CADPS: variants seen among roughly 807,000 people sequenced by gnomAD.
CADPS encodes the protein calcium-dependent secretion activator 1.
In CADPS, 57 loss-of-function variants were observed where a neutral mutation model predicts 167.3. The ratio of observed to expected loss-of-function variants is 0.34; its 90% CI spans 0.28 to 0.42. CADPS has a LOEUF of 0.42. CADPS is among the 20% of genes least tolerant of loss of function. The pLI is 1.00. For missense variants in CADPS, 1,414 were observed against 1,738.1 expected (o/e 0.81, Z 3.32); for synonymous variants, 676 against 635.3 (o/e 1.06, Z -0.96).
At chr3:62,812,141 C>G (rs1342283283) in intron 1 of CADPS, among the ~76,000 whole-genome samples, 1 of 151,964 alleles carries the variant, frequency 6.6e-6, no homozygotes, top group African/African-American at 2.4e-5. Flanking sequence ...TAAAAATATT[C>G]AAAAACAACT....
intron 1 of CADPS, among the ~76,000 whole-genome samples, chr3:62,769,289 T>A (rs915217131): frequency 6.6e-6 from 1 of 151,420 alleles, no homozygotes; most frequent in Non-Finnish European, 1.5e-5. Flanking sequence ...TGGAGTGCAG[T>A]GGTGTGATCT....
At chr3:62,654,162 G>T (rs60945358) in intron 4 of CADPS, among the ~76,000 whole-genome samples, 6 of 152,252 alleles carry the variant, frequency 3.9e-5, no homozygotes, top group African/African-American at 1.4e-4. Context: ...GTCAAGATGC[G>T]AGGACTTGGC....
At chr3:62,640,099 G>A (rs1452124491) in intron 6 of CADPS, among the ~76,000 whole-genome samples, 1 of 152,158 alleles carries the variant, frequency 6.6e-6, no homozygotes, top group East Asian at 1.9e-4. Flanking sequence ...CCCCAGCACT[G>A]GTTGGACATA....
Position 62,874,971 on chromosome 3 carries a change from C to T in CADPS, c.59G>A (p.Gly20Asp). Reference protein sequence around the residue: ...ESDEIVEEESGKEVLGSAPSG... With the variant: ...ESDEIVEEESDKEVLGSAPSG... ...CGGGGCCGAGCCGAGCACCTCCTTG[C>T]CGCTCTCCTCCTCCACGATCTCATC... The change falls in exon 1 of 30, where the codon GGC (glycine) becomes GAC (aspartate). Residue 20 changes from glycine to aspartate, a missense_variant. Around this residue, in one of 6 missense-constraint regions of CADPS, gnomAD observed 522 missense variants for 559.5 expected, o/e 0.93. Coordinates refer to ENST00000383710, the MANE Select transcript of CADPS (RefSeq NM_003716.4). The surrounding 1 kb of genome is among the most constrained non-coding windows in gnomAD (Gnocchi z 7.1). 1 of 1,592,634 alleles carries T rather than the reference C, an allele frequency of 6.3e-7. No homozygotes were observed.
At chr3:62,779,034 C>A (rs1192662543) in intron 1 of CADPS, 1 of 155,510 alleles carries the variant, frequency 6.4e-6, no homozygotes, top group Non-Finnish European at 1.5e-5. Flanking sequence ...ATTACAAGCA[C>A]ATGCCACCAT....
chr3:62,809,894 T>C (rs1053870929), intron 1 of CADPS, among the ~76,000 whole-genome samples: 13 of 152,192 alleles, frequency 8.5e-5, no homozygotes, highest in African/African-American at 1.9e-4. Flanking sequence ...TCTGAACACA[T>C]ACAATTACGT....
At position 62,478,944 on chromosome 3, in the gene CADPS, G is replaced by A. The variant is rs1176186790; in HGVS notation, c.3174-528C>T. 1.3e-5 allele frequency among the ~76,000 whole-genome samples: 2 copies of A among 152,158 alleles called. No homozygotes were observed. The highest frequency in any genetic ancestry group is 4.8e-5 in the African/African-American group (2 of 41,438). On this transcript the variant is annotated intron_variant, in intron 22 of 29. Transcript: ENST00000383710. The surrounding 1 kb of genome is among the most constrained non-coding windows in gnomAD (Gnocchi z 5.7). Reference sequence around the variant, plus strand: ...GACCTGCTTTCTCTCTTGAAGAGCTGGAAAGAAATTAGGGTGACTCAGATC... The same window carrying A: ...GACCTGCTTTCTCTCTTGAAGAGCTAGAAAGAAATTAGGGTGACTCAGATC...
chr3:62,588,784 G>A (rs913479599), intron 7 of CADPS, among the ~76,000 whole-genome samples: 1 of 152,124 alleles, frequency 6.6e-6, no homozygotes, highest in African/African-American at 2.4e-5. Flanking sequence ...AAAGGAGACA[G>A]GTCAGTCTAG....
At chr3:62,502,753 GGCCT>G (rs753853403) in intron 17 of CADPS, among the ~76,000 whole-genome samples, 5 of 152,112 alleles carry the variant, frequency 3.3e-5, no homozygotes, top group Non-Finnish European at 5.9e-5. Flanking sequence ...ACTTGATTTT[GGCCT>G]AGGCATGCCT....
At chr3:62,439,009 A>C (rs1288850524) in intron 27 of CADPS, 1 of 152,094 alleles carries the variant, frequency 6.6e-6, no homozygotes, top group Non-Finnish European at 1.5e-5. Context: ...AAGTAAAAAA[A>C]AAAAGAAACT....
At chr3:62,403,341 A>G in intron 28 of CADPS, 156 bp from the exon 29 acceptor site, 1 of 575,618 alleles carries the variant, frequency 1.7e-6, no homozygotes, top group East Asian at 2.9e-5. Context: ...AACGTTAGTT[A>G]GTTTATACAA....
chr3:62,568,942 T>C (rs1043554190), intron 9 of CADPS, among the ~76,000 whole-genome samples: 9 of 152,182 alleles, frequency 5.9e-5, no homozygotes, highest in African/African-American at 2.2e-4. Flanking sequence ...CTCTAACAGA[T>C]TCCTTTCTGG....
rs571647356 is a variant in CADPS at position 62,720,165 on chromosome 3, T to A, written c.888+33276A>T. ...ATGGAAGAGCTGAATCCAAACTTCC[T>A]TAATCAAAAAGTAACCATAGATAGC... is the stretch of plus-strand genomic sequence containing the variant. On this transcript the variant is annotated intron_variant, in intron 3 of 29. Transcript: ENST00000383710. Among the ~76,000 whole-genome samples the A allele has an allele frequency of 2.3e-3, 350 of 151,376 alleles. 1 individual carries two copies. Among genetic ancestry groups the A allele is most frequent in the Non-Finnish European group, 3.5e-3 (238 of 67,444 alleles).
rs149752882 is a variant in CADPS, at chr3:62,701,846, C to A, written c.889-39452G>T. ...TGAAAGGAAAACAAAAACTCAGGAC[C>A]CCAACTCACTATGTCAAAAGGAAAA... On this transcript the variant is annotated intron_variant, in intron 3 of 29. Transcript: ENST00000383710. Among the ~76,000 whole-genome samples, 466 of 152,076 alleles carry A rather than the reference C, an allele frequency of 3.1e-3. 6 individuals carry two copies. The highest frequency in any genetic ancestry group is 0.011 in the African/African-American group (452 of 41,434).
chr3:62,668,930 A>C (rs914580189), intron 3 of CADPS, among the ~76,000 whole-genome samples: 1 of 152,206 alleles, frequency 6.6e-6, no homozygotes, highest in Admixed American at 6.5e-5. Context: ...CCAAATTCCC[A>C]ATCAGCTAAC....
At chr3:62,575,043 G>T (rs926458129) in intron 8 of CADPS, among the ~76,000 whole-genome samples, 5 of 152,170 alleles carry the variant, frequency 3.3e-5, no homozygotes, top group African/African-American at 1.2e-4. Flanking sequence ...TAGCAAGATT[G>T]TAACAGCCTC....
At chr3:62,787,446 CATAA>C (rs1380863236) in intron 1 of CADPS, among the ~76,000 whole-genome samples, 3 of 152,068 alleles carry the variant, frequency 2.0e-5, no homozygotes, top group African/African-American at 4.8e-5. Context: ...TGAGTGAAAA[CATAA>C]ATAAATCAAT....
chr3:62,600,985 T>C (rs1266415382), intron 6 of CADPS, among the ~76,000 whole-genome samples: 1 of 151,592 alleles, frequency 6.6e-6, no homozygotes, highest in African/African-American at 2.4e-5. Flanking sequence ...GAGGATGGAG[T>C]CCTTGACGGA....
In CADPS at chr3:62,732,412, T is replaced by C. The variant is rs545495441; in HGVS notation, c.888+21029A>G. Reference sequence around the variant, plus strand: ...AACAACCACTGAGAGAGCTTGGCTATAGATCCAGCCCTAGTTGGGAGGACA... The same window carrying C: ...AACAACCACTGAGAGAGCTTGGCTACAGATCCAGCCCTAGTTGGGAGGACA... On this transcript the variant is annotated intron_variant, in intron 3 of 29. Transcript: ENST00000383710. 3.9e-5 allele frequency among the ~76,000 whole-genome samples: 6 copies of C among 152,244 alleles called. No individual in the cohort carries two copies. In the South Asian group the frequency reaches 6.2e-4, roughly 16 times the overall value.
Sources: allele counts gnomAD v4.1 joint callset (sites outside exome capture counted in the v4.1 genomes callset), GRCh38; gene constraint gnomAD v4.1.1; regional missense constraint gnomAD v4.1.1; non-coding constraint Gnocchi (gnomAD v3.1); transcripts MANE v1.5; gene names NCBI Gene and HGNC (gene_info 2026-07-23, HGNC 2026-07-21).